Variants in SYNE2 observed in about 807,000 individuals in gnomAD.
SYNE2 encodes nesprin-2.
In SYNE2, 431 loss-of-function variants were observed where a neutral mutation model predicts 856.3. That is an observed-to-expected ratio of 0.50 (90% CI 0.47 to 0.55). SYNE2 has a LOEUF of 0.55. Among genes scored for constraint, SYNE2 ranks in the 20% least tolerant of loss-of-function variants. SYNE2 has a pLI of 0.00. For synonymous variants in SYNE2, 2,923 were observed against 2,872.3 expected, an observed-to-expected ratio of 1.02 and a Z score of -0.56; for missense variants, 8,129 against 8,023.2, an observed-to-expected ratio of 1.01 and a Z score of -0.50.
At chr14:63,890,008 G>A (rs950249825) in intron 1 of SYNE2, among the ~76,000 whole-genome samples, 1 of 151,760 alleles carries the variant, frequency 6.6e-6, no homozygotes, top group Non-Finnish European at 1.5e-5. Flanking sequence ...CAGGTATGGG[G>A]CAGGGCCCCT....
At chr14:64,072,288 C>A (rs1161874362) in intron 52 of SYNE2, among the ~76,000 whole-genome samples, 2 of 152,050 alleles carry the variant, frequency 1.3e-5, no homozygotes, top group East Asian at 3.9e-4. Flanking sequence ...TTCTCTCTAC[C>A]CTTACACACC....
intron 1 of SYNE2, among the ~76,000 whole-genome samples, chr14:63,840,207 G>T (rs1302824057): frequency 6.6e-6 from 1 of 152,080 alleles, no homozygotes; most frequent in Non-Finnish European, 1.5e-5. Flanking sequence ...GAGGTTGGAG[G>T]TTGCAGTGAG....
chr14:63,781,994 G>A (rs1020311578), intron 1 of SYNE2, among the ~76,000 whole-genome samples: 1 of 152,012 alleles, frequency 6.6e-6, no homozygotes, highest in African/African-American at 2.4e-5. Flanking sequence ...AAGTAGCCAG[G>A]CGTGGTGGCA....
intron 79 of SYNE2, among the ~76,000 whole-genome samples, chr14:64,138,948 T>TTATG (rs2098118799): frequency 1.1e-5 from 1 of 88,192 alleles, no homozygotes; most frequent in African/African-American, 4.6e-5. Context: ...GTATGTATGG[T>TTATG]GTGTGTGTGT....
chr14:64,222,352 C>T (rs1300158929), intron 112 of SYNE2, among the ~76,000 whole-genome samples: 3 of 152,236 alleles, frequency 2.0e-5, no homozygotes, highest in African/African-American at 4.8e-5. Flanking sequence ...CTAATAACCT[C>T]ATGTGGCTTA....
intron 45 of SYNE2, among the ~76,000 whole-genome samples, chr14:64,036,821 A>G (rs1235245796): frequency 6.6e-6 from 1 of 152,124 alleles, no homozygotes; most frequent in Non-Finnish European, 1.5e-5. Context: ...CTGTACATCT[A>G]CTCAGTTTAA....
Position 64,162,094 on chromosome 14 carries a change from A to G in SYNE2, c.16117A>G (p.Ile5373Val), listed in dbSNP as rs139545002. ...CAGGTGGACTCAGGTGAACCAAGCC[A>G]TTGCAGACCAGTTGCAGAAGGCCCA... is the stretch of plus-strand genomic sequence containing the variant. ...HKRWTQVNQA[I>V]ADQLQKAQSL... is the part of the protein sequence containing the mutation. Residue 5373 changes from isoleucine (I) to valine (V), a missense_variant, in exon 88 of 116, where the codon ATT becomes GTT. This residue lies in a region of SYNE2 where 5,410 missense variants were observed against 5,284.8 expected (regional missense o/e 1.02). Transcript: ENST00000555002. The G allele has an allele frequency of 6.2e-7, 1 of 1,614,190 alleles. No homozygotes were observed. Among genetic ancestry groups the G allele is most frequent in the African/African-American group, 1.3e-5 (1 of 75,056 alleles).
At position 64,132,253 on chromosome 14, in the gene SYNE2, T is replaced by C; in HGVS notation, c.14341-12T>C. On this transcript the variant is annotated splice_polypyrimidine_tract_variant and intron_variant, in intron 76 of 115. Coordinates refer to ENST00000555002, the MANE Select transcript of SYNE2 (RefSeq NM_182914.3). ...TTTCAAAGTAAATATTAAAACTTTC[T>C]CCATCTCATAGGTTTTTTTCCAGAA... 1.2e-6 allele frequency: 2 copies of C among 1,612,650 alleles called. No homozygotes were observed. Among genetic ancestry groups the C allele is most frequent in the South Asian group, 2.2e-5 (2 of 91,000 alleles).
chr14:63,975,576 C>T (rs575307214), intron 11 of SYNE2, among the ~76,000 whole-genome samples: 51 of 152,212 alleles, frequency 3.4e-4, no homozygotes, highest in Non-Finnish European at 4.6e-4. Context: ...TCAACTGATC[C>T]GCCTGCCTTG....
intron 67 of SYNE2, among the ~76,000 whole-genome samples, chr14:64,119,941 A>G (rs2153664720): frequency 6.6e-6 from 1 of 152,344 alleles, no homozygotes; most frequent in Non-Finnish European, 1.5e-5. Flanking sequence ...TGTGACTCTA[A>G]TTGACTGGAA....
rs1483737214 is a variant in SYNE2, at chr14:63,990,991, C to T, written c.2522C>T (p.Ser841Leu). ...GCGTTGAAGAACTTAACTGACGTTT[C>T]ACCAGATTTGGACATCAGGCTGAAG... ...IAALKNLTDV[S>L]PDLDIRLKME... Residue 841 changes from serine to leucine, a missense_variant, in exon 21 of 116, where the codon TCA becomes TTA. Ser to Leu is a moderately radical substitution (Grantham distance 145). This residue lies in a region of SYNE2 where 2,422 missense variants were observed against 2,357.4 expected (regional missense o/e 1.03). Transcript: ENST00000555002. 1 of 1,614,002 alleles carries T rather than the reference C, an allele frequency of 6.2e-7. No homozygotes were observed. The highest frequency in any genetic ancestry group is 8.5e-7 in the Non-Finnish European group (1 of 1,180,012).
intron 100 of SYNE2, chr14:64,204,373 A>G (rs2098595294): frequency 6.6e-6 from 1 of 152,232 alleles, no homozygotes; most frequent in African/African-American, 2.4e-5. Context: ...CTTGCAAATA[A>G]CAATTTACCC....
At chr14:64,219,452 C>G (rs1445957649) in intron 110 of SYNE2, 42 bp downstream of exon 110, 1 of 1,581,990 alleles carries the variant, frequency 6.3e-7, no homozygotes, top group African/African-American at 1.3e-5. Flanking sequence ...TCAGAATGTG[C>G]ATGTGAACGC....
At position 64,146,263 on chromosome 14, in the gene SYNE2, G is replaced by T. The variant is rs772710273; in HGVS notation, c.15639+40G>T. ...AGCATCCCACCCAACCCGCGAGCTG[G>T]GGTGATTCGGTCACCTCTCTTGCCC... On this transcript the variant is annotated intron_variant, in intron 84 of 115. Coordinates refer to ENST00000555002, the MANE Select transcript of SYNE2 (RefSeq NM_182914.3). 8.3e-6 allele frequency: 13 copies of T among 1,566,656 alleles called. No individual in the cohort carries two copies. In the East Asian group the frequency reaches 1.9e-4, roughly 22 times the overall value.
chr14:63,789,159 T>C (rs1229952462), intron 1 of SYNE2, among the ~76,000 whole-genome samples: 1 of 152,220 alleles, frequency 6.6e-6, no homozygotes, highest in South Asian at 2.1e-4. Flanking sequence ...CAAGAGGTTC[T>C]GATGCATCAA....
chr14:64,037,463 T>A (rs1408285654), intron 45 of SYNE2, among the ~76,000 whole-genome samples: 4 of 152,162 alleles, frequency 2.6e-5, no homozygotes, highest in East Asian at 1.9e-4. Flanking sequence ...GTCACAGATC[T>A]ACAGGATCCC....
At chr14:63,815,258 A>ATCC (rs1888929489) in intron 1 of SYNE2, among the ~76,000 whole-genome samples, 3 of 138,296 alleles carry the variant, frequency 2.2e-5, no homozygotes, top group Non-Finnish European at 4.7e-5. Context: ...ATATATATAT[A>ATCC]AGGGAGTTTA....
At chr14:64,008,972 C>G (rs558567572) in intron 31 of SYNE2, among the ~76,000 whole-genome samples, 187 of 152,278 alleles carry the variant, frequency 1.2e-3, no homozygotes, top group Admixed American at 8.2e-3. Flanking sequence ...CTGATTCTCT[C>G]TTCAGAATTC....
chr14:64,120,256 CT>C (rs572420038), intron 67 of SYNE2, among the ~76,000 whole-genome samples: 1 of 147,908 alleles, frequency 6.8e-6, no homozygotes, highest in Admixed American at 6.7e-5. Flanking sequence ...TATGTTCTCT[CT>C]TTTTAAAAAA....
Sources: allele counts gnomAD v4.1 joint callset (sites outside exome capture counted in the v4.1 genomes callset), GRCh38; gene constraint gnomAD v4.1.1; regional missense constraint gnomAD v4.1.1; transcripts MANE v1.5; gene names NCBI Gene and HGNC (gene_info 2026-07-23, HGNC 2026-07-21).